The following LDLRAD3 variants were observed in gnomAD, a reference collection of about 807,000 sequenced individuals.
LDLRAD3 encodes the protein low-density lipoprotein receptor class A domain-containing protein 3.
Under a neutral mutation model 29.4 loss-of-function variants are expected in LDLRAD3, and 20 were observed. The ratio of observed to expected loss-of-function variants is 0.68; its 90% CI spans 0.48 to 0.99. The LOEUF (loss-of-function observed/expected upper bound fraction) is 0.99. Ranked by LOEUF, LDLRAD3 falls within the 50% of genes least tolerant of loss-of-function variation. The pLI is 0.00. For missense variants in LDLRAD3, 420 were observed against 454.3 expected (o/e 0.92, Z 0.69); for synonymous variants, 157 against 192.7 (o/e 0.81, Z 1.53).
chr11:36,052,041 C>T (rs1417817461), intron 2 of LDLRAD3, among the ~76,000 whole-genome samples: 3 of 152,160 alleles, frequency 2.0e-5, no homozygotes, highest in Admixed American at 6.5e-5. Context: ...GTCTGGTGCT[C>T]ACTGAATTTT....
At chr11:35,971,727 C>G (rs369282404) in intron 1 of LDLRAD3, among the ~76,000 whole-genome samples, 2 of 152,246 alleles carry the variant, frequency 1.3e-5, no homozygotes, top group East Asian at 3.9e-4. Context: ...TGAATTGAGC[C>G]TCAGGGCGGA....
intron 1 of LDLRAD3, among the ~76,000 whole-genome samples, chr11:36,006,204 T>C (rs915177995): frequency 1.2e-4 from 19 of 152,150 alleles, no homozygotes; most frequent in Admixed American, 1.2e-3. Context: ...CCTTCTTTTC[T>C]CCCTAAATTA....
intron 4 of LDLRAD3, among the ~76,000 whole-genome samples, chr11:36,200,631 T>A (rs1160815737): frequency 6.6e-6 from 1 of 152,032 alleles, no homozygotes; most frequent in African/African-American, 2.4e-5. Context: ...GGTGATGGGG[T>A]GGGGGAAGAC....
At chr11:36,179,013 A>C (rs1365990862) in intron 4 of LDLRAD3, among the ~76,000 whole-genome samples, 1 of 152,210 alleles carries the variant, frequency 6.6e-6, no homozygotes, top group Non-Finnish European at 1.5e-5. Flanking sequence ...TGTGAACTGC[A>C]TTGAATTCTC....
At chr11:35,984,960 G>A (rs1209803174) in intron 1 of LDLRAD3, among the ~76,000 whole-genome samples, 1 of 141,040 alleles carries the variant, frequency 7.1e-6, no homozygotes, top group Non-Finnish European at 1.5e-5. Context: ...TTTTCCCTGA[G>A]ACAGGGTCCC....
At chr11:36,180,015 C>G (rs933767453) in intron 4 of LDLRAD3, among the ~76,000 whole-genome samples, 1 of 152,054 alleles carries the variant, frequency 6.6e-6, no homozygotes, top group Admixed American at 6.5e-5. Context: ...ATAATCAAAA[C>G]AAACAAAAAA....
intron 4 of LDLRAD3, among the ~76,000 whole-genome samples, chr11:36,208,793 C>T (rs1321377144): frequency 7.1e-6 from 1 of 139,918 alleles, no homozygotes; most frequent in Non-Finnish European, 1.5e-5. Flanking sequence ...ATGAGAACAA[C>T]ACAGTAATAT....
intron 4 of LDLRAD3, among the ~76,000 whole-genome samples, chr11:36,220,228 T>A (rs73441314): frequency 0.018 from 2,672 of 152,316 alleles, 79 homozygotes; most frequent in African/African-American, 0.058. Flanking sequence ...GACAGTTTCA[T>A]ACATTGCTGC....
intron 4 of LDLRAD3, among the ~76,000 whole-genome samples, chr11:36,152,763 C>T (rs1854294891): frequency 6.6e-6 from 1 of 152,166 alleles, no homozygotes; most frequent in Admixed American, 6.5e-5. Context: ...ACCTGGTTTC[C>T]CCCAGACTTT....
At chr11:36,018,588 A>G (rs906590663) in intron 1 of LDLRAD3, among the ~76,000 whole-genome samples, 11 of 152,200 alleles carry the variant, frequency 7.2e-5, no homozygotes, top group African/African-American at 2.7e-4. Context: ...CTGCATTTAT[A>G]TATTTCTAAG....
At chr11:36,185,221 T>C (rs866388044) in intron 4 of LDLRAD3, among the ~76,000 whole-genome samples, 13 of 152,000 alleles carry the variant, frequency 8.6e-5, no homozygotes, top group African/African-American at 3.2e-4. Flanking sequence ...TAGAATATTT[T>C]ACTGACCTTT....
chr11:36,135,900 A>G (rs1300181230), intron 4 of LDLRAD3, among the ~76,000 whole-genome samples: 1 of 152,086 alleles, frequency 6.6e-6, no homozygotes, highest in Non-Finnish European at 1.5e-5. Context: ...ACAGAGTGAG[A>G]CTCCATCTCA....
At chr11:36,164,818 T>C (rs1449892165) in intron 4 of LDLRAD3, among the ~76,000 whole-genome samples, 2 of 152,234 alleles carry the variant, frequency 1.3e-5, no homozygotes, top group African/African-American at 4.8e-5. Flanking sequence ...GGATGTTAGA[T>C]TAGAAAATTT....
intron 2 of LDLRAD3, among the ~76,000 whole-genome samples, chr11:36,067,815 C>T (rs1327776594): frequency 6.6e-6 from 1 of 152,120 alleles, no homozygotes; most frequent in Non-Finnish European, 1.5e-5. Flanking sequence ...GGACTACAGG[C>T]GTGTGCCTGG....
At chr11:36,015,655 T>G (rs927177687) in intron 1 of LDLRAD3, among the ~76,000 whole-genome samples, 1 of 133,616 alleles carries the variant, frequency 7.5e-6, no homozygotes, top group African/African-American at 2.9e-5. Flanking sequence ...CACTCCATCC[T>G]CCCCCTGCCC....
At chr11:36,026,744 A>G (rs1345800815) in intron 1 of LDLRAD3, among the ~76,000 whole-genome samples, 1 of 152,246 alleles carries the variant, frequency 6.6e-6, no homozygotes, top group South Asian at 2.1e-4. Flanking sequence ...CACAAGTGCC[A>G]TAACAGTTTC....
chr11:36,199,582 C>T (rs1242133451), intron 4 of LDLRAD3, among the ~76,000 whole-genome samples: 2 of 150,238 alleles, frequency 1.3e-5, no homozygotes, highest in Admixed American at 6.7e-5. Context: ...CACACACACA[C>T]ACACACGCAC....
At chr11:36,058,826 C>G (rs1170691804) in intron 2 of LDLRAD3, among the ~76,000 whole-genome samples, 2 of 152,330 alleles carry the variant, frequency 1.3e-5, no homozygotes, top group East Asian at 3.9e-4. Context: ...AAACACCTTA[C>G]AATGTATAGG....
intron 2 of LDLRAD3, among the ~76,000 whole-genome samples, chr11:36,051,076 A>T (rs1349033486): frequency 1.3e-5 from 2 of 152,220 alleles, no homozygotes; most frequent in Admixed American, 1.3e-4. Context: ...ACTCAACAGA[A>T]GAATTTCAGG....
Sources: gnomAD v4.1 joint callset for allele counts (sites outside exome capture counted in the v4.1 genomes callset) on GRCh38, gnomAD v4.1.1 for gene constraint, MANE v1.5 for transcripts, NCBI Gene and HGNC (gene_info 2026-07-23, HGNC 2026-07-21) for gene names.